Variants in CA8 observed in about 807,000 individuals in gnomAD.
CA8 encodes the protein carbonic anhydrase-related protein.
In CA8, 22 loss-of-function variants were observed where a neutral mutation model predicts 41.4. That is an observed-to-expected ratio of 0.53 (90% CI 0.38 to 0.76). The LOEUF (loss-of-function observed/expected upper bound fraction) is 0.76, where lower values mean the gene tolerates loss of function less well. CA8 is among the 30% of genes least tolerant of loss of function. CA8 has a pLI of 0.00. For synonymous variants in CA8, 121 were observed against 130.6 expected (o/e 0.93, Z 0.50); for missense variants, 270 against 352.8 (o/e 0.77, Z 1.88).
In CA8 at chr8:60,186,979, T is replaced by C. The variant is rs1805983231; in HGVS notation, c.*3042A>G. On this transcript the variant is annotated 3_prime_UTR_variant, in exon 9 of 9. Transcript: ENST00000317995. ...TGAACAACACAACAGGCCAACACTA[T>C]AGACCTAACAGCCATCTATCTATAG... Among the ~76,000 whole-genome samples the C allele has an allele frequency of 1.3e-5, 2 of 152,022 alleles. No individual in the cohort carries two copies. The highest frequency in any genetic ancestry group is 4.1e-4 in the South Asian group (2 of 4,820).
intron 2 of CA8, among the ~76,000 whole-genome samples, chr8:60,277,123 G>GAAA (rs60441033): frequency 7.2e-6 from 1 of 139,172 alleles, no homozygotes. Flanking sequence ...TGTCTCAAAA[G>GAAA]AAAAAAAAAA....
intron 4 of CA8, among the ~76,000 whole-genome samples, chr8:60,227,223 G>A (rs538117964): frequency 4.6e-4 from 70 of 152,088 alleles, no homozygotes; most frequent in Non-Finnish European, 5.4e-4. Flanking sequence ...CCCAGGAGGC[G>A]GAGAGGTTGC....
At chr8:60,197,541 C>G (rs1244946187) in intron 8 of CA8, among the ~76,000 whole-genome samples, 1 of 152,152 alleles carries the variant, frequency 6.6e-6, no homozygotes, top group Non-Finnish European at 1.5e-5. Context: ...AAACAAGAGA[C>G]AGTTATCAGT....
chr8:60,259,524 CA>C (rs1364970543), intron 3 of CA8, among the ~76,000 whole-genome samples: 1 of 152,154 alleles, frequency 6.6e-6, no homozygotes, highest in African/African-American at 2.4e-5. Context: ...AGTGGCTTCT[CA>C]AAGGTCAAGT....
chr8:60,192,527 T>C (rs1189853486), intron 8 of CA8, among the ~76,000 whole-genome samples: 5 of 152,136 alleles, frequency 3.3e-5, no homozygotes, highest in Non-Finnish European at 7.4e-5. Context: ...GGAAGTTTAC[T>C]TTTCAGTGTT....
At chr8:60,274,773 G>A (rs78044294) in intron 2 of CA8, among the ~76,000 whole-genome samples, 450 of 152,068 alleles carry the variant, frequency 3.0e-3, no homozygotes, top group Non-Finnish European at 5.3e-3. Context: ...CCAGAACTAG[G>A]ACAAATAAAT....
chr8:60,278,767 T>C (rs1333243287), intron 2 of CA8, among the ~76,000 whole-genome samples: 1 of 152,166 alleles, frequency 6.6e-6, no homozygotes, highest in Non-Finnish European at 1.5e-5. Context: ...AATAAATCCA[T>C]AGCTGGAAAT....
intron 8 of CA8, among the ~76,000 whole-genome samples, chr8:60,205,569 A>C (rs1254691470): frequency 6.6e-6 from 1 of 152,206 alleles, no homozygotes; most frequent in Non-Finnish European, 1.5e-5. Context: ...ATAGGCACCC[A>C]TAAATCTGAA....
chr8:60,215,598 A>G (rs1425027082), intron 7 of CA8, among the ~76,000 whole-genome samples: 1 of 152,156 alleles, frequency 6.6e-6, no homozygotes, highest in Non-Finnish European at 1.5e-5. Flanking sequence ...TAATGGTTAG[A>G]GGTAATTTTT....
At chr8:60,277,727 T>C (rs1007634672) in intron 2 of CA8, among the ~76,000 whole-genome samples, 5 of 152,240 alleles carry the variant, frequency 3.3e-5, no homozygotes, top group African/African-American at 9.6e-5. Context: ...TGACAGGGTA[T>C]ATAGAGCTTA....
intron 1 of CA8, among the ~76,000 whole-genome samples, chr8:60,280,691 G>A (rs563606477): frequency 6.6e-6 from 1 of 152,360 alleles, no homozygotes; most frequent in East Asian, 1.9e-4. Flanking sequence ...GTCTTCCTCA[G>A]GTGTTTAGTA....
At chr8:60,198,848 ATT>A in intron 8 of CA8, among the ~76,000 whole-genome samples, 1 of 152,286 alleles carries the variant, frequency 6.6e-6, no homozygotes, top group South Asian at 2.1e-4. Flanking sequence ...AATTTAGATG[ATT>A]AATAACACTG....
At chr8:60,209,101 G>C (rs957041304) in intron 7 of CA8, among the ~76,000 whole-genome samples, 182 bp from the exon 8 acceptor site, 1 of 152,034 alleles carries the variant, frequency 6.6e-6, no homozygotes, top group African/African-American at 2.4e-5. Context: ...ACGTTAGAGA[G>C]GACCCTTTCA....
At chr8:60,271,690 G>C (rs11994317) in intron 2 of CA8, among the ~76,000 whole-genome samples, 91,647 of 152,076 alleles carry the variant, frequency 0.6, 28,637 homozygotes, top group African/African-American at 0.79. Context: ...AATGATGGTT[G>C]ATTAAAAATG....
chr8:60,255,206 A>G (rs1395073803), intron 3 of CA8, among the ~76,000 whole-genome samples: 1 of 152,102 alleles, frequency 6.6e-6, no homozygotes, highest in Non-Finnish European at 1.5e-5. Context: ...AGCTACTCTT[A>G]GGGAGCAGAC....
intron 7 of CA8, among the ~76,000 whole-genome samples, chr8:60,211,374 C>A (rs1585856700): frequency 6.6e-6 from 1 of 152,296 alleles, no homozygotes; most frequent in East Asian, 1.9e-4. Context: ...AATTTAAAGT[C>A]ATCTCTCCTA....
At chr8:60,266,522 T>G (rs565338757) in intron 2 of CA8, among the ~76,000 whole-genome samples, 4 of 152,328 alleles carry the variant, frequency 2.6e-5, no homozygotes, top group Non-Finnish European at 5.9e-5. Context: ...ACTAACAAAA[T>G]TATCCATGAA....
At chr8:60,209,046 AG>A in intron 7 of CA8, 127 bp from the exon 8 acceptor site, 1 of 1,080,084 alleles carries the variant, frequency 9.3e-7, no homozygotes, top group Non-Finnish European at 1.3e-6. Context: ...ATTAAAATTA[AG>A]CTTCAAAAAG....
chr8:60,237,505 C>T (rs1390407660), intron 3 of CA8, among the ~76,000 whole-genome samples: 1 of 152,194 alleles, frequency 6.6e-6, no homozygotes, highest in Non-Finnish European at 1.5e-5. Flanking sequence ...GTAGACGGGT[C>T]ACTGCATAGG....
Sources: allele counts gnomAD v4.1 joint callset (sites outside exome capture counted in the v4.1 genomes callset), GRCh38; gene constraint gnomAD v4.1.1; transcripts MANE v1.5; gene names NCBI Gene and HGNC (gene_info 2026-07-23, HGNC 2026-07-21).